The following CHLSN variants were observed in gnomAD, a reference collection of about 807,000 sequenced individuals.
The protein encoded by CHLSN is protein cholesin.
At chr7:1,062,126 C>A in the CHLSN span, among the ~76,000 whole-genome samples, 3 of 152,234 alleles carry the variant, frequency 2.0e-5, no homozygotes, top group Non-Finnish European at 4.4e-5. Flanking sequence ...AAAAATCATT[C>A]ATCTTATTTT....
At chr7:1,053,172 C>T in the CHLSN span, among the ~76,000 whole-genome samples, 4 of 149,438 alleles carry the variant, frequency 2.7e-5, no homozygotes, top group Non-Finnish European at 4.5e-5. Context: ...CAGAGGCAAG[C>T]GGGAGACCAC....
the CHLSN span, among the ~76,000 whole-genome samples, chr7:1,097,479 C>T: frequency 6.6e-6 from 1 of 152,092 alleles, no homozygotes; most frequent in African/African-American, 2.4e-5. The surrounding 1 kb of genome is among the most constrained non-coding windows in gnomAD (Gnocchi z 4.3). Flanking sequence ...ACAAACAGAC[C>T]TAATATAATT....
At chr7:1,017,122 G>A in the CHLSN span, among the ~76,000 whole-genome samples, 3 of 152,342 alleles carry the variant, frequency 2.0e-5, no homozygotes, top group Admixed American at 6.5e-5. Flanking sequence ...TGAGGGCCAC[G>A]CGGGCCCAGA....
the CHLSN span, among the ~76,000 whole-genome samples, chr7:1,002,590 T>G: frequency 3.2e-5 from 2 of 63,040 alleles, no homozygotes; most frequent in Non-Finnish European, 3.0e-5. Context: ...TGCGGGTGAG[T>G]GGAGCCCTGT....
the CHLSN span, among the ~76,000 whole-genome samples, chr7:1,006,091 C>T: frequency 6.6e-6 from 1 of 152,266 alleles, no homozygotes; most frequent in African/African-American, 2.4e-5. Context: ...GGCTTGCCCG[C>T]TGACAGCCGT....
At chr7:1,016,931 A>AGC in the CHLSN span, among the ~76,000 whole-genome samples, 1 of 78,578 alleles carries the variant, frequency 1.3e-5, no homozygotes, top group Non-Finnish European at 2.9e-5. Context: ...AGCACACAGC[A>AGC]GCACACGCCA....
chr7:1,133,392 CAAAA>C, the CHLSN span, among the ~76,000 whole-genome samples: 621 of 91,088 alleles, frequency 6.8e-3, 5 homozygotes, highest in African/African-American at 0.022. Context: ...CGATATACTG[CAAAA>C]AAAAAAAAAA....
chr7:1,138,198 CCT>C, the CHLSN span: 1 of 55,200 alleles, frequency 1.8e-5, no homozygotes, highest in African/African-American at 1.4e-4. Context: ...CCTGCGCCCA[CCT>C]GCGCCCACGT....
the CHLSN span, among the ~76,000 whole-genome samples, chr7:1,105,919 T>A: frequency 1.3e-3 from 205 of 152,330 alleles, no homozygotes; most frequent in Admixed American, 3.1e-3. Flanking sequence ...ATCAAATCTA[T>A]GCTGAGAGTT....
the CHLSN span, chr7:1,021,644 G>A: frequency 4.4e-6 from 4 of 916,288 alleles, no homozygotes; most frequent in African/African-American, 1.8e-5. Flanking sequence ...TGGCTTTGCT[G>A]CCACCGCAGT....
chr7:1,066,406 C>T, the CHLSN span, among the ~76,000 whole-genome samples: 1 of 152,370 alleles, frequency 6.6e-6, no homozygotes, highest in African/African-American at 2.4e-5. Flanking sequence ...CCGGGCCATG[C>T]TGAGGGACAG....
At chr7:1,017,416 C>T in the CHLSN span, among the ~76,000 whole-genome samples, 1 of 152,118 alleles carries the variant, frequency 6.6e-6, no homozygotes, top group South Asian at 2.1e-4. Flanking sequence ...GCCTGGACCC[C>T]GTCCAGTAGC....
At chr7:1,102,723 G>A in the CHLSN span, among the ~76,000 whole-genome samples, 1 of 152,262 alleles carries the variant, frequency 6.6e-6, no homozygotes, top group Non-Finnish European at 1.5e-5. Flanking sequence ...CCGTGAGGGT[G>A]GGCCGCCCGC....
the CHLSN span, among the ~76,000 whole-genome samples, chr7:1,048,156 G>C: frequency 6.6e-6 from 1 of 152,264 alleles, no homozygotes; most frequent in Middle Eastern, 3.4e-3. Context: ...GAGGGGAAGC[G>C]AGAAAGGGTG....
chr7:1,098,817 G>A, the CHLSN span, among the ~76,000 whole-genome samples: 478 of 152,378 alleles, frequency 3.1e-3, 3 homozygotes, highest in Non-Finnish European at 5.6e-3. Context: ...AGCGGCTGCC[G>A]GGGCTGGGGT....
At chr7:1,057,310 G>A in the CHLSN span, among the ~76,000 whole-genome samples, 2 of 152,146 alleles carry the variant, frequency 1.3e-5, no homozygotes, top group Non-Finnish European at 2.9e-5. Context: ...CCCCGGTCAC[G>A]ACCCGAGACG....
At chr7:984,047 G>A in the CHLSN span, among the ~76,000 whole-genome samples, 6 of 152,218 alleles carry the variant, frequency 3.9e-5, no homozygotes, top group African/African-American at 1.2e-4. Context: ...TCTGGGGGCC[G>A]AGCCTGTCAG....
chr7:988,903 A>C, the CHLSN span: 2 of 856,626 alleles, frequency 2.3e-6, no homozygotes, highest in Admixed American at 2.9e-5. Context: ...CCCACCCCAC[A>C]GCTCGGACTG....
chr7:1,014,871 G>C, the CHLSN span, among the ~76,000 whole-genome samples: 1 of 152,256 alleles, frequency 6.6e-6, no homozygotes, highest in East Asian at 1.9e-4. Context: ...TCAGATCCGA[G>C]CACCAATTCT....
Sources: gnomAD v4.1 joint callset for allele counts (sites outside exome capture counted in the v4.1 genomes callset) on GRCh38, gnomAD v4.1.1 for gene constraint, Gnocchi (gnomAD v3.1) non-coding constraint, MANE v1.5 for transcripts, NCBI Gene and HGNC (gene_info 2026-07-23, HGNC 2026-07-21) for gene names.